Variants in LHFPL2 observed in about 807,000 individuals in gnomAD.
LHFPL2 encodes LHFPL tetraspan subfamily member 2.
LHFPL2 carries 7 observed loss-of-function variants against 17.5 expected under a neutral mutation model. That is an observed-to-expected ratio of 0.40 (90% CI 0.23 to 0.75). LHFPL2 has a LOEUF of 0.75. Ranked by LOEUF, LHFPL2 falls within the 30% of genes least tolerant of loss-of-function variation. The pLI, the probability that LHFPL2 is intolerant of heterozygous loss-of-function variation, is 0.37. For synonymous variants in LHFPL2, 134 were observed against 116.2 expected (o/e 1.15, Z -0.99); for missense variants, 241 against 294.8 (o/e 0.82, Z 1.34).
chr5:78,536,968 T>C (rs910015237), intron 3 of LHFPL2, among the ~76,000 whole-genome samples: 20 of 152,186 alleles, frequency 1.3e-4, no homozygotes, highest in Admixed American at 1.2e-3. Context: ...ACAGAAGCGC[T>C]CCAGCCCCTT....
intron 2 of LHFPL2, among the ~76,000 whole-genome samples, chr5:78,618,420 G>A (rs1163392738): frequency 6.6e-6 from 1 of 152,192 alleles, no homozygotes; most frequent in Non-Finnish European, 1.5e-5. Flanking sequence ...GCAGAGGTCG[G>A]TCACAGGCAG....
intron 2 of LHFPL2, among the ~76,000 whole-genome samples, chr5:78,574,051 CT>C (rs1580819707): frequency 6.6e-6 from 1 of 152,302 alleles, no homozygotes; most frequent in East Asian, 1.9e-4. Context: ...AAGAAAATTT[CT>C]CTTTTAATGC....
At chr5:78,630,191 A>G (rs116022135) in intron 2 of LHFPL2, among the ~76,000 whole-genome samples, 2,775 of 152,256 alleles carry the variant, frequency 0.018, 91 homozygotes, top group African/African-American at 0.063. Context: ...TGCATTGTAA[A>G]ACAAGAGGGG....
intron 2 of LHFPL2, among the ~76,000 whole-genome samples, chr5:78,609,381 G>A (rs1010212042): frequency 3.5e-5 from 5 of 144,726 alleles, no homozygotes; most frequent in African/African-American, 5.1e-5. Flanking sequence ...AACCCGGGAG[G>A]CAGAGGTTAA....
chr5:78,514,881 A>G (rs947187816), intron 3 of LHFPL2, among the ~76,000 whole-genome samples: 1 of 152,218 alleles, frequency 6.6e-6, no homozygotes, highest in African/African-American at 2.4e-5. Context: ...AGAACAGACA[A>G]TGATCACCCA....
At chr5:78,614,084 T>C (rs1744511883) in intron 2 of LHFPL2, among the ~76,000 whole-genome samples, 1 of 152,222 alleles carries the variant, frequency 6.6e-6, no homozygotes, top group African/African-American at 2.4e-5. Flanking sequence ...TGCTCACTGA[T>C]GTTAAATTTG....
chr5:78,610,824 T>C (rs1744398720), intron 2 of LHFPL2, among the ~76,000 whole-genome samples: 1 of 151,162 alleles, frequency 6.6e-6, no homozygotes, highest in Non-Finnish European at 1.5e-5. Context: ...TGCTGATCCA[T>C]TTGAAAAATG....
intron 2 of LHFPL2, among the ~76,000 whole-genome samples, chr5:78,580,856 T>G (rs546693280): frequency 1.4e-4 from 22 of 152,254 alleles, no homozygotes; most frequent in Admixed American, 4.6e-4. Flanking sequence ...ATATGAACTT[T>G]AAAGTAGTTT....
At chr5:78,582,514 T>C (rs1427747990) in intron 2 of LHFPL2, among the ~76,000 whole-genome samples, 1 of 151,548 alleles carries the variant, frequency 6.6e-6, no homozygotes, top group Non-Finnish European at 1.5e-5. Context: ...TCAAAGAACA[T>C]CTTTATTTGT....
chr5:78,571,702 G>A (rs1757004380), intron 2 of LHFPL2, among the ~76,000 whole-genome samples: 1 of 152,038 alleles, frequency 6.6e-6, no homozygotes, highest in South Asian at 2.1e-4. Context: ...CTCCTTCCCT[G>A]ACCACCCTTG....
chr5:78,614,799 G>C (rs1460582950), intron 2 of LHFPL2, among the ~76,000 whole-genome samples: 1 of 152,140 alleles, frequency 6.6e-6, no homozygotes. Flanking sequence ...AACATGGCAG[G>C]TTCTGTTATA....
intron 3 of LHFPL2, among the ~76,000 whole-genome samples, chr5:78,514,357 T>TA (rs56725399): frequency 0.58 from 85,380 of 146,542 alleles, 24,845 homozygotes; most frequent in Middle Eastern, 0.62. Context: ...CCTCTTCACT[T>TA]AAAAAAAAAA....
chr5:78,604,409 G>A (rs1038297826), intron 2 of LHFPL2, among the ~76,000 whole-genome samples: 4 of 152,280 alleles, frequency 2.6e-5, no homozygotes, highest in South Asian at 2.1e-4. Context: ...CCCGGGAGGC[G>A]GAGGTTGCAG....
At chr5:78,531,766 C>G (rs1336358215) in intron 3 of LHFPL2, among the ~76,000 whole-genome samples, 1 of 152,138 alleles carries the variant, frequency 6.6e-6, no homozygotes, top group Non-Finnish European at 1.5e-5. Context: ...GGATCTGACT[C>G]AGCTTCTTTC....
At chr5:78,498,738 C>T (rs573892766) in intron 4 of LHFPL2, among the ~76,000 whole-genome samples, 1 of 152,222 alleles carries the variant, frequency 6.6e-6, no homozygotes, top group South Asian at 2.1e-4. Context: ...ACAAGAGACA[C>T]CCTACTTCAG....
chr5:78,540,769 A>G (rs1756086803), intron 3 of LHFPL2, among the ~76,000 whole-genome samples: 1 of 152,196 alleles, frequency 6.6e-6, no homozygotes, highest in Non-Finnish European at 1.5e-5. Context: ...TGGGGCAGAC[A>G]ATGGCTTATT....
At chr5:78,601,353 C>T (rs1299438496) in intron 2 of LHFPL2, among the ~76,000 whole-genome samples, 2 of 152,146 alleles carry the variant, frequency 1.3e-5, no homozygotes, top group Admixed American at 1.3e-4. Context: ...AGGCAGGTCC[C>T]AGAGCAGACA....
Position 78,543,051 on chromosome 5 carries a change from G to A in LHFPL2, c.-186+21762C>T, listed in dbSNP as rs142364521. ...CTTGCATGGGGGAATGCCAGCAGCTGTGTTAAAGGAATAGGCAGCATGGTG... is the reference window on the plus strand; with the variant it reads ...CTTGCATGGGGGAATGCCAGCAGCTATGTTAAAGGAATAGGCAGCATGGTG... On this transcript the variant is annotated intron_variant, in intron 3 of 4. Transcript: ENST00000380345. 3.3e-5 allele frequency among the ~76,000 whole-genome samples: 5 copies of A among 152,312 alleles called. No homozygotes were observed. The East Asian group carries it at 9.6e-4, about 29-fold the overall frequency.
intron 3 of LHFPL2, among the ~76,000 whole-genome samples, chr5:78,548,098 C>T (rs1241836996): frequency 6.6e-6 from 1 of 152,236 alleles, no homozygotes; most frequent in Non-Finnish European, 1.5e-5. Context: ...CCAGCTCCAG[C>T]TCCCATGACT....
Sources: allele counts gnomAD v4.1 joint callset (sites outside exome capture counted in the v4.1 genomes callset), GRCh38; gene constraint gnomAD v4.1.1; transcripts MANE v1.5; gene names NCBI Gene and HGNC (gene_info 2026-07-23, HGNC 2026-07-21).